CLEC10A: variants seen among roughly 807,000 people sequenced by gnomAD.
The protein encoded by CLEC10A is C-type lectin domain containing 10A.
Under a neutral mutation model 42.0 loss-of-function variants are expected in CLEC10A, and 38 were observed. The observed-to-expected ratio is 0.90, with a 90% CI of 0.70 to 1.18. CLEC10A has a LOEUF of 1.18. Ranked by LOEUF, CLEC10A falls within the 50% of genes most tolerant of loss-of-function variation. The pLI is 0.00. For synonymous variants in CLEC10A, 126 were observed against 139.9 expected (o/e 0.90, Z 0.70); for missense variants, 298 against 345.9 (o/e 0.86, Z 1.10).
intron 1 of CLEC10A, among the ~76,000 whole-genome samples, chr17:7,079,739 G>A (rs974235192): frequency 1.2e-4 from 18 of 151,914 alleles, no homozygotes; most frequent in African/African-American, 3.9e-4. Context: ...ATGGAATTTC[G>A]TTCTTGTCGC....
Position 7,078,883 on chromosome 17 carries a change from G to A in CLEC10A, c.-71C>T. ...CAGGGCCGGCGCCCAGTCTGGGGTG[G>A]AGCTGGGGAATAGGAGGTTGGGACT... On this transcript the variant is annotated splice_region_variant and 5_prime_UTR_variant, in exon 2 of 9. Coordinates refer to ENST00000416562, the MANE Select transcript of CLEC10A (RefSeq NM_001330070.2). 1 of 1,459,474 alleles carries A rather than the reference G, an allele frequency of 6.9e-7. No individual in the cohort carries two copies. 90.4% of individuals were successfully genotyped at this position (1,459,474 alleles called of 1,614,324 possible).
intron 5 of CLEC10A, 98 bp downstream of exon 5, chr17:7,076,635 G>A: frequency 7.4e-7 from 1 of 1,352,080 alleles, no homozygotes; most frequent in Non-Finnish European, 1.1e-6. Flanking sequence ...TCAAGCTGCT[G>A]GCTGAAGGGG....
At chr17:7,075,534 A>C (rs1221952470) in intron 7 of CLEC10A, 68 bp from the exon 8 acceptor site, 43 of 1,440,512 alleles carry the variant, frequency 3.0e-5, no homozygotes, top group Non-Finnish European at 3.5e-5. Context: ...AGTGATTCTC[A>C]ACTTTAGCTC....
intron 2 of CLEC10A, 61 bp downstream of exon 2, chr17:7,078,685 G>C (rs1912002552): frequency 6.6e-7 from 1 of 1,522,468 alleles, no homozygotes; most frequent in African/African-American, 1.4e-5. Flanking sequence ...AGAAATGATA[G>C]GAGAAATCCT....
Position 7,078,829 on chromosome 17 carries a change from C to A in CLEC10A, c.-17G>T. 6.2e-7 allele frequency: 1 copy of A among 1,613,894 alleles called. No individual in the cohort carries two copies. Among genetic ancestry groups the A allele is most frequent in the Non-Finnish European group, 8.5e-7 (1 of 1,179,790 alleles). On this transcript the variant is annotated 5_prime_UTR_variant, in exon 2 of 9. Coordinates refer to ENST00000416562, the MANE Select transcript of CLEC10A (RefSeq NM_001330070.2). ...CCTTGTCATGCTTGGGCCAACACGG[C>A]TCTGAGGTTGTCACAGCTGAAATGG...
At chr17:7,077,930 T>C in intron 3 of CLEC10A, 67 bp downstream of exon 3, 2 of 1,242,390 alleles carry the variant, frequency 1.6e-6, no homozygotes, top group South Asian at 1.3e-5. Flanking sequence ...TGCCCTACTG[T>C]AGCACCCCAT....
Position 7,076,900 on chromosome 17 carries a change from G to T in CLEC10A, c.272C>A (p.Thr91Asn). 1 of 1,614,016 alleles carries T rather than the reference G, an allele frequency of 6.2e-7. No individual in the cohort carries two copies. The highest frequency in any genetic ancestry group is 8.5e-7 in the Non-Finnish European group (1 of 1,179,958). Reference protein sequence around the residue: ...SNTVAEIQALTSQGSSLEETI... With the variant: ...SNTVAEIQALNSQGSSLEETI... ...ATCCAAACCAGACTCACCCTGGGAA[G>T]TCAGTGCCTGGATCTCCGCCACAGT... The change falls in exon 4 of 9, where the codon ACT (threonine) becomes AAT (asparagine). Residue 91 changes from threonine to asparagine, a missense_variant. By Grantham distance (65) the Thr-to-Asn change is moderately conservative. Around this residue, in one of 3 missense-constraint regions of CLEC10A, gnomAD observed 267 missense variants for 289.5 expected, o/e 0.92. Transcript: ENST00000416562.
chr17:7,075,236 A>G lies in CLEC10A; in HGVS notation c.702-14T>C. On this transcript the variant is annotated splice_polypyrimidine_tract_variant and intron_variant, in intron 8 of 8. Coordinates refer to ENST00000416562, the MANE Select transcript of CLEC10A (RefSeq NM_001330070.2). ...GGCTTCCAGTTCCTGAGAGGAAAAG[A>G]CAACAGCAAGCTAGGAAGGGTAGAT... is the stretch of plus-strand genomic sequence containing the variant. The G allele has an allele frequency of 1.3e-6, 2 of 1,523,526 alleles. No individual in the cohort carries two copies. Among genetic ancestry groups the G allele is most frequent in the Non-Finnish European group, 8.8e-7 (1 of 1,138,426 alleles). The allele number at this position is 1,523,526 out of a possible 1,614,324, so 94.4% of individuals were successfully genotyped here.
At chr17:7,075,252 A>C in intron 8 of CLEC10A, 30 bp from the exon 9 acceptor site, 1 of 1,515,752 alleles carries the variant, frequency 6.6e-7, no homozygotes, top group Non-Finnish European at 8.8e-7. Context: ...GCAAGCTAGG[A>C]AGGGTAGATG....
intron 3 of CLEC10A, 45 bp downstream of exon 3, chr17:7,077,952 T>C (rs772179221): frequency 4.2e-6 from 6 of 1,430,976 alleles, no homozygotes; most frequent in Admixed American, 1.7e-5. Flanking sequence ...ATTTATCTTC[T>C]ACCCCATTAT....
At chr17:7,078,527 C>T (rs1224594747) in intron 2 of CLEC10A, 2 of 585,324 alleles carry the variant, frequency 3.4e-6, no homozygotes, top group African/African-American at 3.7e-5. Flanking sequence ...TCATCCCCAC[C>T]CCACAGAGCA....
At chr17:7,078,950 G>A (rs1198677978) in intron 1 of CLEC10A, 65 bp from the exon 2 acceptor site, 14 of 778,418 alleles carry the variant, frequency 1.8e-5, no homozygotes, top group South Asian at 8.5e-5. Context: ...GTTGGGAGAT[G>A]AGGCTCAGGT....
At chr17:7,076,414 A>G (rs1259678466) in intron 5 of CLEC10A, among the ~76,000 whole-genome samples, 1 of 147,142 alleles carries the variant, frequency 6.8e-6, no homozygotes, top group East Asian at 2.0e-4. Context: ...GTGTTCAAGC[A>G]ATTCTCCTGC....
intron 3 of CLEC10A, among the ~76,000 whole-genome samples, 170 bp downstream of exon 3, chr17:7,077,827 T>A (rs1911935003): frequency 1.5e-5 from 2 of 132,656 alleles, no homozygotes; most frequent in South Asian, 4.6e-4. Flanking sequence ...TTGGTAGCAC[T>A]GCCCTCACCA....
At position 7,076,056 on chromosome 17, in the gene CLEC10A, A is replaced by T; in HGVS notation, c.368T>A (p.Leu123His). 1 of 1,614,174 alleles carries T rather than the reference A, an allele frequency of 6.2e-7. No homozygotes were observed. Among genetic ancestry groups the T allele is most frequent in the Non-Finnish European group, 8.5e-7 (1 of 1,180,046 alleles). The change falls in exon 6 of 9, where the codon CTC becomes CAC. Residue 123 changes from leucine (L) to histidine (H), a missense_variant. Coordinates refer to ENST00000416562, the MANE Select transcript of CLEC10A (RefSeq NM_001330070.2). ...QERQAVHSEM[L>H]LRVQQLVQDL... ...TTGCACCAGCTGCTGGACTCGCAGG[A>T]GCATTTCAGAATGAACTGGGACACA...
intron 2 of CLEC10A, 107 bp from the exon 3 acceptor site, chr17:7,078,220 C>G: frequency 2.6e-6 from 2 of 769,366 alleles, no homozygotes; most frequent in Non-Finnish European, 4.2e-6. Flanking sequence ...ACAGGGGACT[C>G]CAGGGGAGGG....
chr17:7,074,947 ATCTCCCAGTGCTTATTTC>A lies in CLEC10A; in HGVS notation c.*89_*106del, dbSNP rs766839218. On this transcript the variant is annotated 3_prime_UTR_variant, in exon 9 of 9. Coordinates refer to ENST00000416562, the MANE Select transcript of CLEC10A (RefSeq NM_001330070.2). ...ATTCAAAATGTTAGCAGTGCTTCCA[ATCTCCCAGTGCTTATTTC>A]TCTCCCAGAGCGGTCTTGCGAGGAG... 141 of 843,466 alleles carry A rather than the reference ATCTCCCAGTGCTTATTTC, an allele frequency of 1.7e-4. No homozygotes were observed. The highest frequency in any genetic ancestry group is 2.3e-4 in the Non-Finnish European group (136 of 585,338). 52.2% of individuals were successfully genotyped at this position (843,466 alleles called of 1,614,324 possible). A position where few individuals can be genotyped will look rare whatever the true frequency, so the allele number is the denominator to read the frequency against.
rs1413189482 is a variant in CLEC10A, at chr17:7,078,108, G to C, written c.73C>G (p.Leu25Val). ...CGCTGCAGGAGGGACTGGAGAGGAA[G>C]TGGCCCTGCAAGAGGAGAGAGTGTC... ...VKVQGFKNGP[L>V]PLQSLLQRLC... Residue 25 changes from leucine (L) to valine (V), a missense_variant, in exon 3 of 9, where the codon CTT (leucine) becomes GTT (valine). This residue lies in a region of CLEC10A where 27 missense variants were observed against 37.0 expected (regional missense o/e 0.73). Coordinates refer to ENST00000416562, the MANE Select transcript of CLEC10A (RefSeq NM_001330070.2). 6.2e-7 allele frequency: 1 copy of C among 1,611,592 alleles called. No individual in the cohort carries two copies. Among genetic ancestry groups the C allele is most frequent in the Non-Finnish European group, 8.5e-7 (1 of 1,178,106 alleles).
chr17:7,075,576 T>C (rs1366929562), intron 7 of CLEC10A, 110 bp from the exon 8 acceptor site: 1 of 1,409,796 alleles, frequency 7.1e-7, no homozygotes, highest in East Asian at 2.3e-5. Flanking sequence ...TTTGGAGATG[T>C]TTCTCTGGAT....
Sources: allele counts gnomAD v4.1 joint callset (sites outside exome capture counted in the v4.1 genomes callset), GRCh38; gene constraint gnomAD v4.1.1; regional missense constraint gnomAD v4.1.1; transcripts MANE v1.5; gene names NCBI Gene and HGNC (gene_info 2026-07-23, HGNC 2026-07-21).